RALYL: variants seen among roughly 807,000 people sequenced by gnomAD.
RALYL encodes the protein RNA-binding Raly-like protein.
A neutral mutation model predicts 35.1 loss-of-function variants in RALYL; 29 were observed. That is an observed-to-expected ratio of 0.83 (90% CI 0.61 to 1.13). The LOEUF (loss-of-function observed/expected upper bound fraction) is 1.13. Ranked by LOEUF, RALYL falls within the 50% of genes most tolerant of loss-of-function variation. The pLI is 0.00. For missense variants in RALYL, 359 were observed against 360.4 expected (o/e 1.00, Z 0.03); for synonymous variants, 120 against 127.6 (o/e 0.94, Z 0.40).
chr8:84,838,470 G>C (rs1832489113), intron 4 of RALYL, among the ~76,000 whole-genome samples: 1 of 152,144 alleles, frequency 6.6e-6, no homozygotes, highest in African/African-American at 2.4e-5. Context: ...CTTATGACCT[G>C]AGCCAACTAC....
intron 1 of RALYL, among the ~76,000 whole-genome samples, chr8:84,264,025 T>G (rs1418658100): frequency 2.0e-5 from 3 of 152,210 alleles, no homozygotes; most frequent in African/African-American, 7.2e-5. Flanking sequence ...TGATGGGCAT[T>G]TGGGTTGATT....
intron 1 of RALYL, among the ~76,000 whole-genome samples, chr8:84,394,769 A>T (rs573762773): frequency 6.6e-6 from 1 of 151,952 alleles, no homozygotes; most frequent in Admixed American, 6.6e-5. Context: ...GTTCACCATT[A>T]TATGCAAAGG....
intron 2 of RALYL, among the ~76,000 whole-genome samples, chr8:84,557,874 A>G (rs1377929355): frequency 6.6e-6 from 1 of 152,184 alleles, no homozygotes; most frequent in African/African-American, 2.4e-5. Flanking sequence ...TTACCAGAAA[A>G]GCCATACAAT....
chr8:84,239,629 G>A (rs1051276065), intron 1 of RALYL, among the ~76,000 whole-genome samples: 19 of 151,996 alleles, frequency 1.3e-4, no homozygotes, highest in South Asian at 4.2e-4. Flanking sequence ...GGTGGCTCAC[G>A]CCTGTAGTCC....
At chr8:84,636,446 T>G (rs1564284811) in intron 2 of RALYL, among the ~76,000 whole-genome samples, 1 of 151,786 alleles carries the variant, frequency 6.6e-6, no homozygotes, top group Non-Finnish European at 1.5e-5. Flanking sequence ...ATGAACACAT[T>G]TTTTATAACA....
intron 1 of RALYL, among the ~76,000 whole-genome samples, chr8:84,492,591 T>C (rs2055462837): frequency 6.6e-6 from 1 of 152,242 alleles, no homozygotes; most frequent in Admixed American, 6.6e-5. Context: ...AAACTGCTCA[T>C]GCTTTTTTAA....
intron 2 of RALYL, among the ~76,000 whole-genome samples, chr8:84,684,686 G>A (rs1377131772): frequency 3.3e-5 from 5 of 152,162 alleles, no homozygotes; most frequent in Admixed American, 3.3e-4. Context: ...TGTAAGAATT[G>A]GCATGACATT....
At chr8:84,747,176 A>G (rs1272925494) in intron 2 of RALYL, among the ~76,000 whole-genome samples, 1 of 151,878 alleles carries the variant, frequency 6.6e-6, no homozygotes, top group African/African-American at 2.4e-5. Flanking sequence ...GTATGTTTAA[A>G]CAGAAGGCAT....
At chr8:84,315,551 T>TA (rs140623796) in intron 1 of RALYL, among the ~76,000 whole-genome samples, 3,089 of 152,228 alleles carry the variant, frequency 0.02, 112 homozygotes, top group African/African-American at 0.07. Flanking sequence ...GTAACTTTGA[T>TA]ACGCTTCCTG....
chr8:84,206,927 T>A (rs1223779238), intron 1 of RALYL, among the ~76,000 whole-genome samples: 1 of 152,108 alleles, frequency 6.6e-6, no homozygotes, highest in Non-Finnish European at 1.5e-5. Flanking sequence ...AAATGCTCAA[T>A]GTTACATAAT....
intron 1 of RALYL, among the ~76,000 whole-genome samples, chr8:84,203,106 A>G (rs1362611362): frequency 6.6e-6 from 1 of 152,186 alleles, no homozygotes; most frequent in East Asian, 1.9e-4. Context: ...TTATGACATT[A>G]TCACTCAAGT....
intron 1 of RALYL, among the ~76,000 whole-genome samples, chr8:84,429,599 G>T (rs557332102): frequency 7.6e-4 from 116 of 151,872 alleles, no homozygotes; most frequent in Non-Finnish European, 1.5e-3. Context: ...TTATTTCTGC[G>T]GTGGTTGACT....
At position 84,804,805 on chromosome 8, in the gene RALYL, A is replaced by G. The variant is rs910087578; in HGVS notation, c.365+3A>G. The G allele has an allele frequency of 4.4e-6, 5 of 1,134,048 alleles. No homozygotes were observed. In the African/African-American group the frequency reaches 6.4e-5, roughly 14 times the overall value. The allele number at this position is 1,134,048 out of a possible 1,614,324, so 70.2% of individuals were successfully genotyped here. On this transcript the variant is annotated splice_donor_region_variant and intron_variant, in intron 4 of 8. Coordinates refer to ENST00000521268, the MANE Select transcript of RALYL (RefSeq NM_173848.7). ...AAGGAACCTTTCCTGTCTGTTGGGT[A>G]AGTATATATTTAAATACTTTAAGTA...
At chr8:84,914,044 T>C (rs1003022409) in intron 8 of RALYL, among the ~76,000 whole-genome samples, 2 of 152,046 alleles carry the variant, frequency 1.3e-5, no homozygotes. Context: ...ATGAGTTAAC[T>C]ATATGTTTTC....
intron 4 of RALYL, among the ~76,000 whole-genome samples, chr8:84,843,754 T>C (rs1169019505): frequency 2.0e-5 from 3 of 152,202 alleles, no homozygotes; most frequent in African/African-American, 7.2e-5. Flanking sequence ...AGCCTGGTAC[T>C]GGTACCAAAA....
chr8:84,447,161 T>G (rs936383371), intron 1 of RALYL, among the ~76,000 whole-genome samples: 1 of 151,992 alleles, frequency 6.6e-6, no homozygotes, highest in Non-Finnish European at 1.5e-5. Flanking sequence ...AATTAACATA[T>G]CCGGGACTGT....
intron 8 of RALYL, among the ~76,000 whole-genome samples, chr8:84,903,153 A>T (rs1381351389): frequency 6.6e-6 from 1 of 152,152 alleles, no homozygotes; most frequent in East Asian, 1.9e-4. Context: ...TCACATCAAG[A>T]CACTCTTTTG....
intron 2 of RALYL, among the ~76,000 whole-genome samples, chr8:84,635,380 T>A (rs1824842152): frequency 6.6e-6 from 1 of 151,474 alleles, no homozygotes; most frequent in Non-Finnish European, 1.5e-5. Flanking sequence ...TCATCAGCCA[T>A]TTTTTTTAAT....
At chr8:84,548,397 T>C (rs2060502107) in intron 2 of RALYL, among the ~76,000 whole-genome samples, 1 of 152,208 alleles carries the variant, frequency 6.6e-6, no homozygotes, top group South Asian at 2.1e-4. Context: ...CTAATTGCTA[T>C]ACTTATTTAA....
Sources: gnomAD v4.1 joint callset for allele counts (sites outside exome capture counted in the v4.1 genomes callset) on GRCh38, gnomAD v4.1.1 for gene constraint, MANE v1.5 for transcripts, NCBI Gene and HGNC (gene_info 2026-07-23, HGNC 2026-07-21) for gene names.